Variants in MYO5B observed in about 807,000 individuals in gnomAD.
MYO5B encodes myosin VB, also known as unconventional myosin-Vb.
In MYO5B, 143 loss-of-function variants were observed where a neutral mutation model predicts 229.3. The ratio of observed to expected loss-of-function variants is 0.62; its 90% CI spans 0.54 to 0.72. The LOEUF (loss-of-function observed/expected upper bound fraction) is 0.72. Among genes scored for constraint, MYO5B ranks in the 30% least tolerant of loss-of-function variants. MYO5B has a pLI of 0.00. For synonymous variants in MYO5B, 918 were observed against 885.2 expected, an observed-to-expected ratio of 1.04 and a Z score of -0.66; for missense variants, 2,321 against 2,331.0, an observed-to-expected ratio of 1.00 and a Z score of 0.09.
chr18:49,986,754 T>C (rs2025874622), intron 7 of MYO5B, among the ~76,000 whole-genome samples: 1 of 152,202 alleles, frequency 6.6e-6, no homozygotes, highest in African/African-American at 2.4e-5. Flanking sequence ...GTATCTCATT[T>C]GATTATTTTT....
rs192647249 is a variant in MYO5B, at chr18:50,135,797, C to T, written c.27+58970G>A. Reference sequence around the variant, plus strand: ...CTAGGAGGTGACCTGGAGACCCTGTCCATGAACTTGGGAGGAAACACTGCA... The same window carrying T: ...CTAGGAGGTGACCTGGAGACCCTGTTCATGAACTTGGGAGGAAACACTGCA... On this transcript the variant is annotated intron_variant, in intron 1 of 39. Coordinates refer to ENST00000285039, the MANE Select transcript of MYO5B (RefSeq NM_001080467.3). Among the ~76,000 whole-genome samples the T allele has an allele frequency of 5.4e-4, 82 of 152,296 alleles. 1 individual carries two copies. In the East Asian group the frequency reaches 0.012, roughly 23 times the overall value.
Position 49,841,166 on chromosome 18 carries a change from C to G in MYO5B, c.4701+199G>C, listed in dbSNP as rs2276169. 0.087 allele frequency among the ~76,000 whole-genome samples: 13,310 copies of G among 152,130 alleles called. 716 individuals carry two copies. The highest frequency in any genetic ancestry group is 0.15 in the African/African-American group (6,279 of 41,486). On this transcript the variant is annotated intron_variant, in intron 35 of 39. Transcript: ENST00000285039. The stretch of plus-strand genomic sequence containing the variant: ...GCTTTTTGGGGCCCCTTGGGCTCAT[C>G]AAGGCCTCCTAGAGGCAGGTCTCCT...
In MYO5B at chr18:49,904,757, C is replaced by A. The variant is rs772273050; in HGVS notation, c.2486G>T (p.Arg829Leu). ...LQKHYRMQRA[R>L]QAYQRVRRAA... ...TCTGCGGACCCTCTGGTAGGCCTGG[C>A]GGGCCCTCTGCATGCGGTAATGTTT... Residue 829 changes from arginine to leucine, a missense_variant, in exon 20 of 40, where the codon CGC becomes CTC. Arg to Leu is a moderately radical substitution (Grantham distance 102). Transcript: ENST00000285039. 3.7e-6 allele frequency: 6 copies of A among 1,613,862 alleles called. No homozygotes were observed. Among genetic ancestry groups the A allele is most frequent in the Admixed American group, 3.3e-5 (2 of 60,006 alleles).
intron 20 of MYO5B, 52 bp from the exon 21 acceptor site, chr18:49,902,885 G>A (rs1386140811): frequency 1.3e-6 from 2 of 1,589,784 alleles, no homozygotes; most frequent in East Asian, 2.3e-5. Flanking sequence ...CAGGACAGGA[G>A]TGAAGGAAGC....
intron 1 of MYO5B, among the ~76,000 whole-genome samples, chr18:50,113,283 G>A (rs1188445780): frequency 6.6e-6 from 1 of 152,214 alleles, no homozygotes. Context: ...TCCTAAAGCA[G>A]TATCAAGGGG....
chr18:50,183,028 T>C (rs1330253165), intron 1 of MYO5B, among the ~76,000 whole-genome samples: 1 of 152,052 alleles, frequency 6.6e-6, no homozygotes, highest in Non-Finnish European at 1.5e-5. Flanking sequence ...CAAAGAGTAA[T>C]GAAACAGTGA....
intron 1 of MYO5B, among the ~76,000 whole-genome samples, chr18:50,088,100 C>T (rs1385067653): frequency 6.6e-6 from 1 of 152,160 alleles, no homozygotes; most frequent in Non-Finnish European, 1.5e-5. Context: ...AAGCCAGCAC[C>T]TGTGACACAC....
chr18:49,855,176 T>C (rs1051080159), intron 30 of MYO5B, among the ~76,000 whole-genome samples: 3 of 152,238 alleles, frequency 2.0e-5, no homozygotes, highest in Non-Finnish European at 4.4e-5. Flanking sequence ...TCTTGGGTTC[T>C]AGGCGAGCTG....
At chr18:50,089,377 CA>C (rs1228784960) in intron 1 of MYO5B, among the ~76,000 whole-genome samples, 2 of 150,766 alleles carry the variant, frequency 1.3e-5, no homozygotes, top group East Asian at 1.9e-4. Flanking sequence ...GACTCCGTCT[CA>C]AAAAAGGAAA....
chr18:50,121,746 G>C (rs555351139), intron 1 of MYO5B, among the ~76,000 whole-genome samples: 1 of 152,284 alleles, frequency 6.6e-6, no homozygotes, highest in East Asian at 1.9e-4. Context: ...AACAGGCACT[G>C]TCTTCACTAA....
intron 1 of MYO5B, among the ~76,000 whole-genome samples, chr18:50,069,057 G>C (rs2030890157): frequency 6.6e-6 from 1 of 152,072 alleles, no homozygotes; most frequent in Non-Finnish European, 1.5e-5. Context: ...TAGCAGGTAA[G>C]GGAAACAAGG....
intron 1 of MYO5B, among the ~76,000 whole-genome samples, chr18:50,124,452 A>G (rs2032123000): frequency 6.6e-6 from 1 of 152,178 alleles, no homozygotes; most frequent in South Asian, 2.1e-4. Context: ...TATGGGAGTC[A>G]TCGTTCTGCT....
chr18:49,893,812 G>A (rs1470075978), intron 22 of MYO5B, among the ~76,000 whole-genome samples: 2 of 152,198 alleles, frequency 1.3e-5, no homozygotes, highest in East Asian at 3.8e-4. Flanking sequence ...TAACCTCCAC[G>A]GATGTCTGTG....
intron 7 of MYO5B, among the ~76,000 whole-genome samples, chr18:49,985,434 G>A (rs1189184251): frequency 6.6e-6 from 1 of 152,178 alleles, no homozygotes; most frequent in Admixed American, 6.5e-5. Context: ...GAAGGGCCCA[G>A]GTGGTGTCTT....
At chr18:50,103,016 G>A (rs558118457) in intron 1 of MYO5B, among the ~76,000 whole-genome samples, 2 of 152,184 alleles carry the variant, frequency 1.3e-5, no homozygotes, top group East Asian at 3.9e-4. Context: ...GAAATGCAAT[G>A]CTCTTGAAAC....
At chr18:50,115,201 C>A (rs529692489) in intron 1 of MYO5B, among the ~76,000 whole-genome samples, 1 of 152,240 alleles carries the variant, frequency 6.6e-6, no homozygotes, top group African/African-American at 2.4e-5. Flanking sequence ...GGGCAGCCAC[C>A]TGCACACTGT....
chr18:49,830,205 CATA>C (rs908096217), intron 39 of MYO5B, among the ~76,000 whole-genome samples: 2 of 150,392 alleles, frequency 1.3e-5, no homozygotes, highest in African/African-American at 4.9e-5. Context: ...CAGCGAAGTA[CATA>C]ATAAAAAAAA....
chr18:50,044,261 C>A (rs1397185705), intron 2 of MYO5B, among the ~76,000 whole-genome samples: 1 of 152,062 alleles, frequency 6.6e-6, no homozygotes, highest in Non-Finnish European at 1.5e-5. Context: ...GACTTGAGAG[C>A]AGATTTTTTT....
chr18:50,102,448 G>A (rs989424820), intron 1 of MYO5B, among the ~76,000 whole-genome samples: 1 of 152,132 alleles, frequency 6.6e-6, no homozygotes, highest in Admixed American at 6.5e-5. Context: ...TCCAGGTGGA[G>A]AAAAGCCAGG....
Sources: allele counts gnomAD v4.1 joint callset (sites outside exome capture counted in the v4.1 genomes callset), GRCh38; gene constraint gnomAD v4.1.1; transcripts MANE v1.5; gene names NCBI Gene and HGNC (gene_info 2026-07-23, HGNC 2026-07-21).